Variants in ITPK1 observed in about 807,000 individuals in gnomAD.
The protein encoded by ITPK1 is inositol-tetrakisphosphate 1-kinase.
In ITPK1, 21 loss-of-function variants were observed where a neutral mutation model predicts 45.3. The ratio of observed to expected loss-of-function variants is 0.46; its 90% CI spans 0.33 to 0.67. The LOEUF (loss-of-function observed/expected upper bound fraction) is 0.67, where lower values mean the gene tolerates loss of function less well. Ranked by LOEUF, ITPK1 falls within the 30% of genes least tolerant of loss-of-function variation. The probability of loss-of-function intolerance (pLI) is 0.02; values close to 1 mark genes in which losing one functional copy is unlikely to be tolerated. For missense variants in ITPK1, 474 were observed against 573.5 expected (o/e 0.83, Z 1.77); for synonymous variants, 258 against 253.6 (o/e 1.02, Z -0.16).
At position 92,982,416 on chromosome 14, in the gene ITPK1, T is replaced by C. The variant is rs532538639; in HGVS notation, c.364+11464A>G. 7.9e-5 allele frequency among the ~76,000 whole-genome samples: 12 copies of C among 152,234 alleles called. No homozygotes were observed. The South Asian group carries it at 2.5e-3, about 32-fold the overall frequency. The stretch of plus-strand genomic sequence containing the variant: ...AGGAGACTGGCCAGCTGTGGCCGCC[T>C]TGCAAGTAGAGGGGCACCGTGAGAA... On this transcript the variant is annotated intron_variant, in intron 5 of 10. Coordinates refer to ENST00000267615, the MANE Select transcript of ITPK1 (RefSeq NM_014216.6).
At chr14:93,024,369 A>G (rs1323352130) in intron 3 of ITPK1, among the ~76,000 whole-genome samples, 1 of 152,190 alleles carries the variant, frequency 6.6e-6, no homozygotes, top group African/African-American at 2.4e-5. Context: ...GGAAGGGCAC[A>G]TCCCTCCCCT....
chr14:92,956,904 G>A (rs917112010), intron 8 of ITPK1, among the ~76,000 whole-genome samples: 2 of 152,198 alleles, frequency 1.3e-5, no homozygotes, highest in African/African-American at 4.8e-5. Flanking sequence ...GTGGGCAGGG[G>A]CTGGGACCAT....
At chr14:93,033,161 T>C (rs1287697899) in intron 3 of ITPK1, among the ~76,000 whole-genome samples, 1 of 152,250 alleles carries the variant, frequency 6.6e-6, no homozygotes. Context: ...GTGTCATTTG[T>C]TATTCCTGCA....
rs1490496636 is a variant in ITPK1 at position 92,941,621 on chromosome 14, C to T, written c.1185G>A (p.Val395=). The T allele has an allele frequency of 6.5e-7, 1 of 1,538,276 alleles. No individual in the cohort carries two copies. Among genetic ancestry groups the T allele is most frequent in the Non-Finnish European group, 8.7e-7 (1 of 1,144,650 alleles). ...PHQRLGCNAG[V]SPSFQQHCVA... is the part of the protein sequence containing the mutation. ...CACAATGCTGCTGGAAGCTGGGCGACACGCCGGCGTTGCAGCCGAGTCTCT... is the reference window on the plus strand; with the variant it reads ...CACAATGCTGCTGGAAGCTGGGCGATACGCCGGCGTTGCAGCCGAGTCTCT... The change falls in exon 11 of 11, where the codon GTG becomes GTA. Residue 395 remains valine (V), a synonymous_variant. Transcript: ENST00000267615.
chr14:93,010,384 T>A (rs3783910), intron 4 of ITPK1, among the ~76,000 whole-genome samples: 5 of 152,146 alleles, frequency 3.3e-5, no homozygotes, highest in East Asian at 1.9e-4. Context: ...ATCACATTTG[T>A]GGCAAACGTG....
Position 92,941,625 on chromosome 14 carries a change from C to A in ITPK1, c.1181G>T (p.Gly394Val), listed in dbSNP as rs564328210. The stretch of plus-strand genomic sequence containing the variant: ...ATGCTGCTGGAAGCTGGGCGACACG[C>A]CGGCGTTGCAGCCGAGTCTCTGGTG... ...LPHQRLGCNA[G>V]VSPSFQQHCV... is the part of the protein sequence containing the mutation. Residue 394 changes from glycine to valine, a missense_variant, in exon 11 of 11, where the codon GGC (glycine) becomes GTC (valine). Around this residue, in one of 2 missense-constraint regions of ITPK1, gnomAD observed 107 missense variants for 92.9 expected, o/e 1.15. Coordinates refer to ENST00000267615, the MANE Select transcript of ITPK1 (RefSeq NM_014216.6). 4 of 1,538,240 alleles carry A rather than the reference C, an allele frequency of 2.6e-6. No homozygotes were observed. Among genetic ancestry groups the A allele is most frequent in the Non-Finnish European group, 3.5e-6 (4 of 1,144,568 alleles).
rs531440427 is a variant in ITPK1, at chr14:93,015,802, G to A, written c.246+874C>T. ...CCAAGGCGGCTGACCCCGAACACAC[G>A]GGGAGAGAACAGTGTCGGCAGGACG... is the stretch of plus-strand genomic sequence containing the variant. On this transcript the variant is annotated intron_variant, in intron 4 of 10. Transcript: ENST00000267615. Among the ~76,000 whole-genome samples the A allele has an allele frequency of 1.1e-4, 17 of 152,336 alleles. 1 individual carries two copies. The highest frequency in any genetic ancestry group is 3.9e-4 in the Admixed American group (6 of 15,306).
At chr14:93,005,877 A>G (rs1428981006) in intron 4 of ITPK1, among the ~76,000 whole-genome samples, 3 of 152,208 alleles carry the variant, frequency 2.0e-5, no homozygotes, top group African/African-American at 7.2e-5. Flanking sequence ...GCCGTTTAAC[A>G]TGCAGCAGTT....
Position 92,958,089 on chromosome 14 carries a change from C to T in ITPK1, c.670+112G>A. ...TCCACCTTTAGAGCACCTCTCCATCCCACCAAGAACACAGGGTGGTTGGGG... is the reference window on the plus strand; with the variant it reads ...TCCACCTTTAGAGCACCTCTCCATCTCACCAAGAACACAGGGTGGTTGGGG... On this transcript the variant is annotated intron_variant, in intron 8 of 10. Transcript: ENST00000267615. The surrounding 1 kb of genome is among the most constrained non-coding windows in gnomAD (Gnocchi z 4.4). The T allele has an allele frequency of 6.9e-6, 7 of 1,015,136 alleles. No homozygotes were observed. The highest frequency in any genetic ancestry group is 1.1e-5 in the Non-Finnish European group (7 of 657,250). The allele number at this position is 1,015,136 out of a possible 1,614,324, so 62.9% of individuals were successfully genotyped here.
intron 4 of ITPK1, among the ~76,000 whole-genome samples, chr14:93,010,463 A>T (rs1413110185): frequency 6.6e-6 from 1 of 152,194 alleles, no homozygotes; most frequent in Non-Finnish European, 1.5e-5. Context: ...GCCATCCTGC[A>T]CCTTCCCTAT....
intron 8 of ITPK1, among the ~76,000 whole-genome samples, chr14:92,952,905 T>C (rs1245904483): frequency 6.6e-6 from 1 of 152,118 alleles, no homozygotes; most frequent in Non-Finnish European, 1.5e-5. Flanking sequence ...TCAGGCCGAG[T>C]TCTGGAAAAG....
chr14:93,096,987 C>T (rs778716411), intron 2 of ITPK1, among the ~76,000 whole-genome samples: 2 of 152,152 alleles, frequency 1.3e-5, no homozygotes, highest in African/African-American at 4.8e-5. Context: ...ATACCTGGGT[C>T]GGTAGAGCTG....
chr14:93,102,368 C>T (rs559298279), intron 2 of ITPK1, among the ~76,000 whole-genome samples: 31 of 152,404 alleles, frequency 2.0e-4, no homozygotes, highest in African/African-American at 7.5e-4. Context: ...ATCCCAATGC[C>T]GCGGGACACA....
chr14:92,999,769 A>AT (rs1887245873), intron 4 of ITPK1, among the ~76,000 whole-genome samples: 1 of 152,250 alleles, frequency 6.6e-6, no homozygotes, highest in Non-Finnish European at 1.5e-5. Context: ...AAACAGCCTG[A>AT]TTGAGATATC....
chr14:93,008,222 G>A (rs946700167), intron 4 of ITPK1, among the ~76,000 whole-genome samples: 6 of 152,130 alleles, frequency 3.9e-5, no homozygotes, highest in Non-Finnish European at 5.9e-5. Context: ...CCCAGGCCTC[G>A]GTGTGTTTCT....
At position 93,086,553 on chromosome 14, in the gene ITPK1, C is replaced by T. The variant is rs541709332; in HGVS notation, c.96-9934G>A. On this transcript the variant is annotated intron_variant, in intron 2 of 10. Coordinates refer to ENST00000267615, the MANE Select transcript of ITPK1 (RefSeq NM_014216.6). ...CAGAGGGGGACCCCAGACCGCAAAC[C>T]CTGCCCCGAGATGCTAGCTGCCACA... 1.1e-3 allele frequency among the ~76,000 whole-genome samples: 169 copies of T among 152,378 alleles called. 2 individuals are homozygous for T. The highest frequency in any genetic ancestry group is 3.8e-3 in the African/African-American group (156 of 41,592).
rs558523123 is a variant in ITPK1 at position 92,980,753 on chromosome 14, A to G, written c.364+13127T>C. Among the ~76,000 whole-genome samples, 3 of 152,168 alleles carry G rather than the reference A, an allele frequency of 2.0e-5. No homozygotes were observed. In the South Asian group the frequency reaches 6.2e-4, roughly 32 times the overall value. On this transcript the variant is annotated intron_variant, in intron 5 of 10. Transcript: ENST00000267615. ...TGCAGTGGTGCGATCTTGGTTCACT[A>G]TAACCTCCGCCTCCCAGGTTCAAGC...
At chr14:93,097,871 TG>T (rs1222792255) in intron 2 of ITPK1, among the ~76,000 whole-genome samples, 1 of 150,854 alleles carries the variant, frequency 6.6e-6, no homozygotes, top group East Asian at 2.0e-4. Context: ...TAGCCAGGCA[TG>T]GTGGCAGGTG....
chr14:92,996,245 TC>T (rs1887050217), intron 4 of ITPK1, among the ~76,000 whole-genome samples: 1 of 151,716 alleles, frequency 6.6e-6, no homozygotes, highest in Non-Finnish European at 1.5e-5. Flanking sequence ...AGACCCTGTC[TC>T]CAAAAAAAAT....
Sources: allele counts gnomAD v4.1 joint callset (sites outside exome capture counted in the v4.1 genomes callset), GRCh38; gene constraint gnomAD v4.1.1; regional missense constraint gnomAD v4.1.1; non-coding constraint Gnocchi (gnomAD v3.1); transcripts MANE v1.5; gene names NCBI Gene and HGNC (gene_info 2026-07-23, HGNC 2026-07-21).